RIC8B: variants seen among roughly 807,000 people sequenced by gnomAD.
RIC8B encodes the protein chaperone Ric-8B.
A neutral mutation model predicts 57.5 loss-of-function variants in RIC8B; 16 were observed. That is an observed-to-expected ratio of 0.28 (90% CI 0.19 to 0.42). The LOEUF is 0.42. Among genes scored for constraint, RIC8B ranks in the 10% least tolerant of loss-of-function variants. RIC8B has a pLI of 1.00. For missense variants in RIC8B, 481 were observed against 677.0 expected, an observed-to-expected ratio of 0.71 and a Z score of 3.21; for synonymous variants, 216 against 250.8, an observed-to-expected ratio of 0.86 and a Z score of 1.31.
intron 4 of RIC8B, 48 bp downstream of exon 4, chr12:106,825,868 T>C: frequency 7.6e-7 from 1 of 1,319,068 alleles, no homozygotes; most frequent in African/African-American, 1.4e-5. Context: ...TCATCAGTTG[T>C]TCTTGGTTTT....
At position 106,853,576 on chromosome 12, in the gene RIC8B, C is replaced by T. The variant is rs558607740; in HGVS notation, c.1306+1982C>T. Reference sequence around the variant, plus strand: ...CTCCGCCTCCCAGGTTGAAGCGATTCTCCTGCCTCAGCCGTCTGAGTAGCT... The same window carrying T: ...CTCCGCCTCCCAGGTTGAAGCGATTTTCCTGCCTCAGCCGTCTGAGTAGCT... On this transcript the variant is annotated intron_variant, in intron 7 of 9. Coordinates refer to ENST00000392837, the MANE Select transcript of RIC8B (RefSeq NM_001330145.2). Among the ~76,000 whole-genome samples the T allele has an allele frequency of 3.0e-4, 44 of 144,378 alleles. 1 individual carries two copies. Among genetic ancestry groups the T allele is most frequent in the African/African-American group, 1.1e-3 (42 of 39,194 alleles). 94.7% of individuals were successfully genotyped at this position (144,378 alleles called of 152,430 possible). A position where few individuals can be genotyped will look rare whatever the true frequency, so the allele number is the denominator to read the frequency against.
At chr12:106,812,786 C>A (rs557981046) in intron 2 of RIC8B, among the ~76,000 whole-genome samples, 30 of 152,208 alleles carry the variant, frequency 2.0e-4, no homozygotes, top group African/African-American at 7.2e-4. Context: ...TTTCCACTAT[C>A]CCCAAACTAC....
rs754002365 is a variant in RIC8B at position 106,886,091 on chromosome 12, A to G, written c.*76A>G. The G allele has an allele frequency of 2.0e-5, 21 of 1,037,436 alleles. No individual in the cohort carries two copies. The Admixed American group carries it at 3.1e-4, about 15-fold the overall frequency. 64.3% of individuals were successfully genotyped at this position (1,037,436 alleles called of 1,614,324 possible). A position where few individuals can be genotyped will look rare whatever the true frequency, so the allele number is the denominator to read the frequency against. ...GTAGCTCCAGGGGAATCTTTTCTCT[A>G]AAACATTTATGCCCTTGCTTTGGCT... On this transcript the variant is annotated 3_prime_UTR_variant, in exon 10 of 10. Coordinates refer to ENST00000392837, the MANE Select transcript of RIC8B (RefSeq NM_001330145.2).
chr12:106,800,629 A>G (rs2044691006), intron 2 of RIC8B, among the ~76,000 whole-genome samples: 1 of 152,164 alleles, frequency 6.6e-6, no homozygotes, highest in Admixed American at 6.5e-5. Context: ...ATGGGACACA[A>G]ACATACAGTC....
At chr12:106,882,869 G>C (rs552811886) in intron 9 of RIC8B, among the ~76,000 whole-genome samples, 1 of 152,242 alleles carries the variant, frequency 6.6e-6, no homozygotes, top group Middle Eastern at 3.4e-3. Context: ...GTAAATGCTT[G>C]AGAATAGTTC....
At chr12:106,826,002 T>G (rs987084397) in intron 4 of RIC8B, among the ~76,000 whole-genome samples, 182 bp downstream of exon 4, 1 of 152,250 alleles carries the variant, frequency 6.6e-6, no homozygotes, top group African/African-American at 2.4e-5. Context: ...AAATTTTTAT[T>G]CTGCCCCCTT....
At chr12:106,832,858 C>G (rs867318481) in intron 4 of RIC8B, among the ~76,000 whole-genome samples, 22 of 152,274 alleles carry the variant, frequency 1.4e-4, no homozygotes, top group African/African-American at 4.8e-4. Flanking sequence ...GTGGCTCTCT[C>G]GCTGCCCAAG....
chr12:106,853,209 CTAAA>C (rs1179709404), intron 7 of RIC8B, among the ~76,000 whole-genome samples: 1 of 151,620 alleles, frequency 6.6e-6, no homozygotes, highest in African/African-American at 2.4e-5. Context: ...ATATATAAAT[CTAAA>C]TAAATAATTA....
At chr12:106,786,401 G>A (rs558694095) in intron 2 of RIC8B, among the ~76,000 whole-genome samples, 48 of 152,026 alleles carry the variant, frequency 3.2e-4, no homozygotes, top group African/African-American at 9.9e-4. Flanking sequence ...TGCCCATCTC[G>A]GCCTCCCAAA....
chr12:106,855,732 T>C (rs533834029), intron 7 of RIC8B, among the ~76,000 whole-genome samples: 1 of 152,270 alleles, frequency 6.6e-6, no homozygotes, highest in South Asian at 2.1e-4. Context: ...AAGTAATCTT[T>C]TGGTCCCAAT....
intron 3 of RIC8B, among the ~76,000 whole-genome samples, chr12:106,820,653 C>A (rs1418316824): frequency 6.6e-6 from 1 of 152,022 alleles, no homozygotes; most frequent in African/African-American, 2.4e-5. Flanking sequence ...AACAGACAAC[C>A]CAGTGCACAC....
rs368196294 is a variant in RIC8B at position 106,784,060 on chromosome 12, G to A, written c.132+16G>A. The A allele has an allele frequency of 6.3e-5, 102 of 1,611,258 alleles. No homozygotes were observed. In the African/African-American group the frequency reaches 1.3e-3, roughly 21 times the overall value. On this transcript the variant is annotated intron_variant, in intron 2 of 9. Coordinates refer to ENST00000392837, the MANE Select transcript of RIC8B (RefSeq NM_001330145.2). Reference sequence around the variant, plus strand: ...TAAAAGAAAGGTAAGCCTTGGTGTTGCTCTGTGAATGTTTATGTGTGTGTG... The same window carrying A: ...TAAAAGAAAGGTAAGCCTTGGTGTTACTCTGTGAATGTTTATGTGTGTGTG...
intron 1 of RIC8B, 183 bp downstream of exon 1, chr12:106,775,012 C>T (rs2043386137): frequency 3.4e-6 from 2 of 584,858 alleles, no homozygotes; most frequent in Middle Eastern, 4.3e-4. Context: ...TCCTGCATCC[C>T]ACTACCCCCA....
chr12:106,864,896 A>G (rs1007144249), intron 8 of RIC8B, among the ~76,000 whole-genome samples: 13 of 152,128 alleles, frequency 8.5e-5, no homozygotes, highest in African/African-American at 2.9e-4. Flanking sequence ...ATCTCTATAA[A>G]TGGAATCATA....
chr12:106,814,418 G>A (rs2045478970), intron 2 of RIC8B, among the ~76,000 whole-genome samples: 1 of 152,106 alleles, frequency 6.6e-6, no homozygotes, highest in African/African-American at 2.4e-5. Context: ...ACTTCTTTAA[G>A]TCTTTTTGCA....
chr12:106,879,241 G>C lies in RIC8B; in HGVS notation c.1572-6663G>C. ...TACACTTGAATTGAATGTTTTGTTT[G>C]TATTGCACAAAAACATGTGCTGTGG... On this transcript the variant is annotated intron_variant, in intron 9 of 9. Transcript: ENST00000392837. The surrounding 1 kb of genome is among the most constrained non-coding windows in gnomAD (Gnocchi z 4.9). 3.0e-6 allele frequency: 3 copies of C among 985,714 alleles called. No homozygotes were observed. The highest frequency in any genetic ancestry group is 3.6e-6 in the Non-Finnish European group (3 of 829,894). 61.1% of individuals were successfully genotyped at this position (985,714 alleles called of 1,614,324 possible). A position where few individuals can be genotyped will look rare whatever the true frequency, so the allele number is the denominator to read the frequency against.
At chr12:106,793,340 G>A (rs1424927744) in intron 2 of RIC8B, among the ~76,000 whole-genome samples, 4 of 152,226 alleles carry the variant, frequency 2.6e-5, no homozygotes, top group African/African-American at 9.6e-5. Flanking sequence ...ATAAAAGAGA[G>A]TGCTGAATGT....
intron 3 of RIC8B, among the ~76,000 whole-genome samples, chr12:106,817,949 T>C (rs916426374): frequency 2.6e-5 from 4 of 152,162 alleles, no homozygotes; most frequent in Non-Finnish European, 4.4e-5. Context: ...TTTACTTCAA[T>C]TGGGCAAGCC....
At chr12:106,873,036 A>G (rs1246761673) in intron 9 of RIC8B, 2 of 985,330 alleles carry the variant, frequency 2.0e-6, no homozygotes, top group African/African-American at 3.5e-5. Flanking sequence ...TCTCAGGGGA[A>G]TCCACATATT....
Sources: gnomAD v4.1 joint callset for allele counts (sites outside exome capture counted in the v4.1 genomes callset) on GRCh38, gnomAD v4.1.1 for gene constraint, Gnocchi (gnomAD v3.1) non-coding constraint, MANE v1.5 for transcripts, NCBI Gene and HGNC (gene_info 2026-07-23, HGNC 2026-07-21) for gene names.